KIAA1549L: variants seen among roughly 807,000 people sequenced by gnomAD.
The protein encoded by KIAA1549L is KIAA1549 like.
Under a neutral mutation model 160.7 loss-of-function variants are expected in KIAA1549L, and 88 were observed. That is an observed-to-expected ratio of 0.55 (90% CI 0.46 to 0.65). The LOEUF (loss-of-function observed/expected upper bound fraction) is 0.65. Ranked by LOEUF, KIAA1549L falls within the 30% of genes least tolerant of loss-of-function variation. The pLI is 0.00. For synonymous variants in KIAA1549L, 950 were observed against 976.7 expected, an observed-to-expected ratio of 0.97 and a Z score of 0.51; for missense variants, 2,258 against 2,437.5, an observed-to-expected ratio of 0.93 and a Z score of 1.55.
In KIAA1549L at chr11:33,668,329, T is replaced by C; in HGVS notation, c.*175T>C. 1 of 647,672 alleles carries C rather than the reference T, an allele frequency of 1.5e-6. No homozygotes were observed. The highest frequency in any genetic ancestry group is 2.6e-6 in the Non-Finnish European group (1 of 381,874). 40.1% of individuals were successfully genotyped at this position (647,672 alleles called of 1,614,324 possible). On this transcript the variant is annotated 3_prime_UTR_variant, in exon 21 of 21. Coordinates refer to ENST00000658780, the MANE Select transcript of KIAA1549L (RefSeq NM_012194.3). Reference sequence around the variant, plus strand: ...AACAGGAAACTCTTGAACGACTAGATTCTTGGCTCATCCAACTGATTGTGG... The same window carrying C: ...AACAGGAAACTCTTGAACGACTAGACTCTTGGCTCATCCAACTGATTGTGG...
intron 1 of KIAA1549L, among the ~76,000 whole-genome samples, chr11:33,428,355 C>A (rs1011033409): frequency 6.6e-6 from 1 of 151,110 alleles, no homozygotes; most frequent in African/African-American, 2.5e-5. Context: ...GCACAACGTG[C>A]AGGTTTGTTA....
chr11:33,526,845 A>G (rs1374455037), intron 1 of KIAA1549L, among the ~76,000 whole-genome samples: 4 of 152,266 alleles, frequency 2.6e-5, no homozygotes, highest in African/African-American at 9.6e-5. Flanking sequence ...AAAGTTGATT[A>G]TTAAGCTACT....
In KIAA1549L at chr11:33,544,086, A is replaced by G; in HGVS notation, c.2523A>G (p.Ala841=). 1 of 1,614,016 alleles carries G rather than the reference A, an allele frequency of 6.2e-7. No individual in the cohort carries two copies. Among genetic ancestry groups the G allele is most frequent in the Non-Finnish European group, 8.5e-7 (1 of 1,179,888 alleles). The change falls in exon 2 of 21, where the codon GCA becomes GCG. Residue 841 remains alanine, a synonymous_variant. Transcript: ENST00000658780. ...HPQLQLPNQP[A]HPLLLTSPGP... Reference sequence around the variant, plus strand: ...AGCTACAGTTGCCCAACCAGCCAGCACATCCTCTTTTGCTAACCTCACCAG... The same window carrying G: ...AGCTACAGTTGCCCAACCAGCCAGCGCATCCTCTTTTGCTAACCTCACCAG...
At chr11:33,381,254 G>A (rs189914219) in intron 1 of KIAA1549L, among the ~76,000 whole-genome samples, 8 of 152,258 alleles carry the variant, frequency 5.3e-5, no homozygotes, top group Admixed American at 4.6e-4. Flanking sequence ...CCTGTAGGTC[G>A]GGTGATGGTA....
intron 3 of KIAA1549L, among the ~76,000 whole-genome samples, chr11:33,546,892 A>G (rs1004537074): frequency 3.3e-5 from 5 of 152,242 alleles, no homozygotes; most frequent in Non-Finnish European, 7.3e-5. Flanking sequence ...AATAAAATAG[A>G]ACAAGTATAA....
chr11:33,519,760 C>T (rs533022771), intron 1 of KIAA1549L, among the ~76,000 whole-genome samples: 5 of 152,246 alleles, frequency 3.3e-5, no homozygotes, highest in Non-Finnish European at 7.4e-5. Flanking sequence ...TTCATTTAGG[C>T]AGTTTGTCCT....
chr11:33,654,621 G>A (rs1005324863), intron 17 of KIAA1549L, among the ~76,000 whole-genome samples: 7 of 152,256 alleles, frequency 4.6e-5, no homozygotes, highest in Admixed American at 3.9e-4. Flanking sequence ...ACCTCACCTC[G>A]TTCTGTTCCA....
chr11:33,378,433 G>T (rs1394265852), intron 1 of KIAA1549L, among the ~76,000 whole-genome samples: 1 of 152,100 alleles, frequency 6.6e-6, no homozygotes, highest in Non-Finnish European at 1.5e-5. Flanking sequence ...CTTTCAGACC[G>T]CCAGAGCCTG....
intron 12 of KIAA1549L, among the ~76,000 whole-genome samples, chr11:33,595,595 A>G (rs1333408600): frequency 6.6e-6 from 1 of 152,202 alleles, no homozygotes; most frequent in Non-Finnish European, 1.5e-5. Context: ...CCAAAGCTGT[A>G]AGAGAAACCT....
chr11:33,518,239 A>T (rs992417197), intron 1 of KIAA1549L, among the ~76,000 whole-genome samples: 3 of 151,214 alleles, frequency 2.0e-5, no homozygotes, highest in African/African-American at 7.3e-5. Flanking sequence ...TACTGAAAAA[A>T]TTTCTTGTTT....
At chr11:33,664,365 C>T (rs918022744) in intron 20 of KIAA1549L, among the ~76,000 whole-genome samples, 6 of 152,110 alleles carry the variant, frequency 3.9e-5, no homozygotes, top group Admixed American at 3.9e-4. Flanking sequence ...CAGGCGTCAG[C>T]CGCACATCTC....
chr11:33,560,492 G>T (rs1301309705), intron 7 of KIAA1549L, among the ~76,000 whole-genome samples: 1 of 152,186 alleles, frequency 6.6e-6, no homozygotes, highest in East Asian at 1.9e-4. Context: ...CTCATTTGCA[G>T]TCCATGGTGT....
At chr11:33,419,151 G>T (rs555281441) in intron 1 of KIAA1549L, among the ~76,000 whole-genome samples, 21 of 152,096 alleles carry the variant, frequency 1.4e-4, no homozygotes, top group Non-Finnish European at 2.8e-4. Context: ...GGGATTACAG[G>T]CATGAGCCAC....
chr11:33,665,852 C>T (rs1852430689), intron 20 of KIAA1549L, among the ~76,000 whole-genome samples: 1 of 152,048 alleles, frequency 6.6e-6, no homozygotes, highest in Non-Finnish European at 1.5e-5. Context: ...CAGACACCCC[C>T]AAGCCAGCAG....
rs141094196 is a variant in KIAA1549L at position 33,671,459 on chromosome 11, T to A, written c.*3305T>A. ...TCTTTCAGGGTAGATTATGTAAGAA[T>A]CAATTCCCTGGTCCCAGGAGAAGTT... is the stretch of plus-strand genomic sequence containing the variant. On this transcript the variant is annotated 3_prime_UTR_variant, in exon 21 of 21. Transcript: ENST00000658780. 1 of 152,076 alleles carries A rather than the reference T, an allele frequency of 6.6e-6. No individual in the cohort carries two copies. The highest frequency in any genetic ancestry group is 1.5e-5 in the Non-Finnish European group (1 of 68,040). 9.4% of individuals were successfully genotyped at this position (152,076 alleles called of 1,614,324 possible).
At chr11:33,548,359 G>A (rs991026654) in intron 4 of KIAA1549L, among the ~76,000 whole-genome samples, 9 of 152,076 alleles carry the variant, frequency 5.9e-5, no homozygotes, top group African/African-American at 1.9e-4. Context: ...AGATCATGCC[G>A]CTGCACTCCA....
intron 1 of KIAA1549L, among the ~76,000 whole-genome samples, chr11:33,443,306 C>T (rs1292130226): frequency 6.6e-6 from 1 of 151,878 alleles, no homozygotes; most frequent in Non-Finnish European, 1.5e-5. Context: ...GGCCCATTTG[C>T]TCTTCTTTTT....
rs536728451 is a variant in KIAA1549L, at chr11:33,444,864, G to A, written c.238+67975G>A. Among the ~76,000 whole-genome samples, 23 of 152,312 alleles carry A rather than the reference G, an allele frequency of 1.5e-4. 1 individual carries two copies. The South Asian group carries it at 2.3e-3, about 15-fold the overall frequency. On this transcript the variant is annotated intron_variant, in intron 1 of 20. Transcript: ENST00000658780. ...ATTGGAGGGTCTTCCTGCAGTTGCT[G>A]TCTTCCTTACACCACATATCCACTG...
chr11:33,542,284 C>G lies in KIAA1549L; in HGVS notation c.721C>G (p.Pro241Ala). 1 of 649,538 alleles carries G rather than the reference C, an allele frequency of 1.5e-6. No individual in the cohort carries two copies. 40.2% of individuals were successfully genotyped at this position (649,538 alleles called of 1,614,324 possible). A position where few individuals can be genotyped will look rare whatever the true frequency, so the allele number is the denominator to read the frequency against. Residue 241 changes from proline to alanine, a missense_variant, in exon 2 of 21, where the codon CCA becomes GCA. Physicochemically the swap from Pro to Ala is conservative, Grantham distance 27. This residue lies in a region of KIAA1549L where 540 missense variants were observed against 465.7 expected (regional missense o/e 1.16). Coordinates refer to ENST00000658780, the MANE Select transcript of KIAA1549L (RefSeq NM_012194.3). ...SKHPPRSDIP[P>A]LLPLPPSSSL... The stretch of plus-strand genomic sequence containing the variant: ...GCATCCCCCAAGGTCAGACATTCCC[C>G]CACTCCTCCCTCTACCTCCATCCTC...
Sources: allele counts gnomAD v4.1 joint callset (sites outside exome capture counted in the v4.1 genomes callset), GRCh38; gene constraint gnomAD v4.1.1; regional missense constraint gnomAD v4.1.1; transcripts MANE v1.5; gene names NCBI Gene and HGNC (gene_info 2026-07-23, HGNC 2026-07-21).